The following PTPRG variants were observed in gnomAD, a reference collection of about 807,000 sequenced individuals.
PTPRG encodes receptor-type tyrosine-protein phosphatase gamma.
A neutral mutation model predicts 165.3 loss-of-function variants in PTPRG; 102 were observed. The ratio of observed to expected loss-of-function variants is 0.62; its 90% CI spans 0.53 to 0.73. The LOEUF (loss-of-function observed/expected upper bound fraction) is 0.73, where lower values mean the gene tolerates loss of function less well. Among genes scored for constraint, PTPRG ranks in the 30% least tolerant of loss-of-function variants. The pLI is 0.00. For synonymous variants in PTPRG, 675 were observed against 669.5 expected (o/e 1.01, Z -0.13); for missense variants, 1,866 against 1,861.4 (o/e 1.00, Z -0.05).
chr3:61,780,553 T>G (rs976534297), intron 2 of PTPRG, among the ~76,000 whole-genome samples: 1 of 152,208 alleles, frequency 6.6e-6, no homozygotes, highest in Admixed American at 6.5e-5. Flanking sequence ...AATATCTTCC[T>G]TAAATCACAG....
intron 1 of PTPRG, among the ~76,000 whole-genome samples, chr3:61,665,738 G>A (rs1291655714): frequency 1.3e-5 from 2 of 152,114 alleles, no homozygotes; most frequent in African/African-American, 4.8e-5. Flanking sequence ...TGAGGTGGGA[G>A]GATCGCTTGA....
intron 2 of PTPRG, among the ~76,000 whole-genome samples, chr3:61,954,662 G>T (rs536675557): frequency 6.6e-6 from 1 of 152,122 alleles, no homozygotes; most frequent in Non-Finnish European, 1.5e-5. Context: ...GTGAAGATTT[G>T]TCAGACACTG....
At chr3:61,626,232 CATT>C (rs1701605348) in intron 1 of PTPRG, among the ~76,000 whole-genome samples, 1 of 152,208 alleles carries the variant, frequency 6.6e-6, no homozygotes, top group Non-Finnish European at 1.5e-5. Flanking sequence ...ACTAAAAATG[CATT>C]ATTCTAGTCT....
chr3:61,567,182 A>G (rs1699932861), intron 1 of PTPRG, among the ~76,000 whole-genome samples: 1 of 152,180 alleles, frequency 6.6e-6, no homozygotes, highest in East Asian at 1.9e-4. Flanking sequence ...TATTAATATT[A>G]TAGAAGCCAA....
intron 1 of PTPRG, among the ~76,000 whole-genome samples, chr3:61,700,123 C>G (rs1020915599): frequency 6.6e-6 from 1 of 152,092 alleles, no homozygotes; most frequent in East Asian, 1.9e-4. Flanking sequence ...GTTTCATGCC[C>G]AAAGTCTCCT....
intron 8 of PTPRG, among the ~76,000 whole-genome samples, chr3:62,188,333 C>A (rs1699717461): frequency 6.6e-6 from 1 of 152,164 alleles, no homozygotes; most frequent in African/African-American, 2.4e-5. Flanking sequence ...CATGATCCAG[C>A]CACTGCACTC....
chr3:62,169,971 T>C (rs1471072869), intron 8 of PTPRG, among the ~76,000 whole-genome samples: 1 of 152,172 alleles, frequency 6.6e-6, no homozygotes, highest in Admixed American at 6.5e-5. Context: ...GGCTCATGTT[T>C]CTGAAAAGGA....
intron 4 of PTPRG, among the ~76,000 whole-genome samples, chr3:62,040,556 C>T (rs980665104): frequency 2.6e-4 from 40 of 152,310 alleles, no homozygotes; most frequent in African/African-American, 8.9e-4. Flanking sequence ...AGGGTTCAAG[C>T]GATTCTCCTG....
chr3:62,030,680 C>T (rs553874732), intron 4 of PTPRG, among the ~76,000 whole-genome samples: 4 of 152,228 alleles, frequency 2.6e-5, no homozygotes, highest in African/African-American at 9.6e-5. Flanking sequence ...GTGAGATGCA[C>T]TCATGGACAG....
chr3:62,138,530 C>T (rs569029205), intron 6 of PTPRG, among the ~76,000 whole-genome samples: 14 of 151,966 alleles, frequency 9.2e-5, no homozygotes, highest in South Asian at 4.2e-4. Flanking sequence ...ACCAGCCTGG[C>T]CAACATGGTG....
At chr3:61,937,033 C>T (rs1056497898) in intron 2 of PTPRG, among the ~76,000 whole-genome samples, 1 of 152,096 alleles carries the variant, frequency 6.6e-6, no homozygotes, top group East Asian at 1.9e-4. Context: ...TTGAGACATC[C>T]CTCGGGGATG....
intron 28 of PTPRG, among the ~76,000 whole-genome samples, chr3:62,284,887 C>T (rs1490089913): frequency 6.6e-6 from 1 of 152,032 alleles, no homozygotes; most frequent in African/African-American, 2.4e-5. Context: ...AGTTGTCATC[C>T]CAATCTGCCA....
At chr3:61,859,852 C>G (rs1427557267) in intron 2 of PTPRG, among the ~76,000 whole-genome samples, 1 of 151,988 alleles carries the variant, frequency 6.6e-6, no homozygotes, top group African/African-American at 2.4e-5. Context: ...GTTTTTCTTC[C>G]GCATTACAAC....
At chr3:62,095,991 T>C (rs920123065) in intron 5 of PTPRG, among the ~76,000 whole-genome samples, 1 of 152,118 alleles carries the variant, frequency 6.6e-6, no homozygotes, top group Non-Finnish European at 1.5e-5. Context: ...CCTAGACTTT[T>C]CTTGGGGAGC....
chr3:62,126,471 T>C (rs1229224303), intron 5 of PTPRG, among the ~76,000 whole-genome samples: 1 of 152,174 alleles, frequency 6.6e-6, no homozygotes, highest in African/African-American at 2.4e-5. Context: ...ATAATTGTGT[T>C]TTGTTTTCAT....
intron 1 of PTPRG, among the ~76,000 whole-genome samples, chr3:61,712,129 G>A (rs2031591794): frequency 6.6e-6 from 1 of 152,042 alleles, no homozygotes; most frequent in African/African-American, 2.4e-5. Context: ...CCTGACCTTA[G>A]GTGACCCGCC....
chr3:61,905,075 C>G lies in PTPRG; in HGVS notation c.191-84550C>G, dbSNP rs535324275. On this transcript the variant is annotated intron_variant, in intron 2 of 29. Transcript: ENST00000474889. Reference sequence around the variant, plus strand: ...GCTTTTTGAAGGAAAAGGCTTCATTCTCCCTGCTCGAAAGATTGCCACACT... The same window carrying G: ...GCTTTTTGAAGGAAAAGGCTTCATTGTCCCTGCTCGAAAGATTGCCACACT... Among the ~76,000 whole-genome samples, 3 of 152,264 alleles carry G rather than the reference C, an allele frequency of 2.0e-5. No individual in the cohort carries two copies. The East Asian group carries it at 5.8e-4, about 29-fold the overall frequency.
At chr3:61,794,244 T>G (rs1045662989) in intron 2 of PTPRG, among the ~76,000 whole-genome samples, 6 of 152,280 alleles carry the variant, frequency 3.9e-5, no homozygotes, top group South Asian at 4.1e-4. Context: ...GACTTGTGTG[T>G]GGGGGGTATC....
chr3:61,562,096 T>G lies in PTPRG; in HGVS notation c.-192T>G. 1 of 590,560 alleles carries G rather than the reference T, an allele frequency of 1.7e-6. No individual in the cohort carries two copies. The allele number at this position is 590,560 out of a possible 1,614,324, so 36.6% of individuals were successfully genotyped here. On this transcript the variant is annotated 5_prime_UTR_variant, in exon 1 of 30. Coordinates refer to ENST00000474889, the MANE Select transcript of PTPRG (RefSeq NM_002841.4). ...AGCGTGGCTCTGCGTTCCCGGTCAC[T>G]TTTTGAGATTTTCCGGGGGGCGCTC...
Sources: gnomAD v4.1 joint callset for allele counts (sites outside exome capture counted in the v4.1 genomes callset) on GRCh38, gnomAD v4.1.1 for gene constraint, MANE v1.5 for transcripts, NCBI Gene and HGNC (gene_info 2026-07-23, HGNC 2026-07-21) for gene names.